Variants in LSAMP observed in about 807,000 individuals in gnomAD.
LSAMP encodes limbic system associated membrane protein.
Under a neutral mutation model 38.6 loss-of-function variants are expected in LSAMP, and 7 were observed. The ratio of observed to expected loss-of-function variants is 0.18; its 90% CI spans 0.10 to 0.34. LSAMP has a LOEUF of 0.34. Among genes scored for constraint, LSAMP ranks in the 10% least tolerant of loss-of-function variants. The pLI is 1.00. For synonymous variants in LSAMP, 154 were observed against 166.8 expected (o/e 0.92, Z 0.59); for missense variants, 313 against 420.0 (o/e 0.75, Z 2.23).
chr3:116,183,755 G>A (rs1217249027), intron 1 of LSAMP, among the ~76,000 whole-genome samples: 3 of 151,818 alleles, frequency 2.0e-5, no homozygotes, highest in Middle Eastern at 3.4e-3. Context: ...TTTCTAAGAG[G>A]CAAAGATTAC....
At chr3:116,260,087 GC>G in intron 1 of LSAMP, among the ~76,000 whole-genome samples, 1 of 152,180 alleles carries the variant, frequency 6.6e-6, no homozygotes, top group East Asian at 1.9e-4. Flanking sequence ...CACATATAGG[GC>G]TAAATCTTTC....
chr3:116,089,388 C>T (rs1708067294), intron 1 of LSAMP, among the ~76,000 whole-genome samples: 2 of 152,086 alleles, frequency 1.3e-5, no homozygotes, highest in African/African-American at 4.8e-5. Flanking sequence ...GATGGAGTCT[C>T]GCTCCGTCGC....
intron 2 of LSAMP, among the ~76,000 whole-genome samples, chr3:116,078,190 C>T (rs1226691699): frequency 6.6e-6 from 1 of 152,032 alleles, no homozygotes; most frequent in Non-Finnish European, 1.5e-5. Context: ...TTAATTATTT[C>T]TGTGATGGTT....
intron 1 of LSAMP, among the ~76,000 whole-genome samples, chr3:116,132,836 T>C (rs1250297766): frequency 2.6e-5 from 4 of 152,210 alleles, no homozygotes; most frequent in Non-Finnish European, 5.9e-5. Flanking sequence ...TGTCCCAAAA[T>C]ACATGTGCTT....
intron 6 of LSAMP, among the ~76,000 whole-genome samples, chr3:115,829,658 T>G (rs973625346): frequency 1.1e-4 from 16 of 152,220 alleles, no homozygotes; most frequent in African/African-American, 3.9e-4. Context: ...GCTGAAAGTG[T>G]GTGAGTGTAT....
At chr3:116,329,392 C>T (rs1023495414) in intron 1 of LSAMP, among the ~76,000 whole-genome samples, 3 of 152,014 alleles carry the variant, frequency 2.0e-5, no homozygotes, top group Non-Finnish European at 4.4e-5. Flanking sequence ...CTCAGTTGTT[C>T]GTTTCCGACT....
chr3:115,942,328 T>C (rs997974047), intron 3 of LSAMP, among the ~76,000 whole-genome samples: 5 of 152,160 alleles, frequency 3.3e-5, no homozygotes, highest in African/African-American at 1.2e-4. Flanking sequence ...CTTTTAAAAG[T>C]GCAAGTATTT....
In LSAMP at chr3:116,248,893, A is replaced by T. The variant is rs1269896311; in HGVS notation, c.156-162337T>A. On this transcript the variant is annotated intron_variant, in intron 1 of 6. Transcript: ENST00000490035. ...CCAGGCGCGGTGGCTCACGCCTATA[A>T]TCCCAGCACTTTGGGAGGCTGAGGC... Among the ~76,000 whole-genome samples the T allele has an allele frequency of 2.6e-5, 4 of 152,234 alleles. No homozygotes were observed. The East Asian group carries it at 5.8e-4, about 22-fold the overall frequency.
At chr3:116,166,758 T>C (rs976488274) in intron 1 of LSAMP, among the ~76,000 whole-genome samples, 5 of 151,948 alleles carry the variant, frequency 3.3e-5, no homozygotes, top group African/African-American at 1.2e-4. Context: ...CTCACAACTT[T>C]TAAATCTAAA....
At chr3:116,389,612 T>C in intron 1 of LSAMP, among the ~76,000 whole-genome samples, 1 of 152,052 alleles carries the variant, frequency 6.6e-6, no homozygotes, top group Non-Finnish European at 1.5e-5. Flanking sequence ...CACGGCAGGG[T>C]CACAGGAAAC....
At chr3:116,307,504 T>A (rs930379648) in intron 1 of LSAMP, among the ~76,000 whole-genome samples, 6 of 151,990 alleles carry the variant, frequency 3.9e-5, no homozygotes, top group Admixed American at 3.9e-4. Context: ...GTGCTTTTGC[T>A]TTCTCTGACT....
At chr3:116,059,286 C>T (rs977797304) in intron 2 of LSAMP, among the ~76,000 whole-genome samples, 1 of 152,084 alleles carries the variant, frequency 6.6e-6, no homozygotes, top group African/African-American at 2.4e-5. Flanking sequence ...AGTATCAAAG[C>T]TTTTTGCCTT....
At chr3:115,820,555 T>G (rs575438192) in intron 6 of LSAMP, among the ~76,000 whole-genome samples, 2 of 152,298 alleles carry the variant, frequency 1.3e-5, no homozygotes, top group South Asian at 2.1e-4. Context: ...AATCTGTCCT[T>G]GATTTTTGAC....
In LSAMP at chr3:116,216,984, C is replaced by T. The variant is rs115905228; in HGVS notation, c.156-130428G>A. Among the ~76,000 whole-genome samples the T allele has an allele frequency of 3.2e-3, 483 of 152,246 alleles. 2 individuals carry two copies. Among genetic ancestry groups the T allele is most frequent in the South Asian group, 0.013 (62 of 4,824 alleles). On this transcript the variant is annotated intron_variant, in intron 1 of 6. Transcript: ENST00000490035. Reference sequence around the variant, plus strand: ...GATAAGCACTTAAAGTGAGGCTGTTCTTATTCTAAGCTTATTCCAAACACC... The same window carrying T: ...GATAAGCACTTAAAGTGAGGCTGTTTTTATTCTAAGCTTATTCCAAACACC...
chr3:115,809,240 G>T lies in LSAMP; in HGVS notation c.*1077C>A, dbSNP rs1325193085. On this transcript the variant is annotated 3_prime_UTR_variant, in exon 7 of 7. Transcript: ENST00000490035. Reference sequence around the variant, plus strand: ...ATGCTGTTTGCTTACCCCATCGATAGTAGGCACTTTCATTTACAGTGATAT... The same window carrying T: ...ATGCTGTTTGCTTACCCCATCGATATTAGGCACTTTCATTTACAGTGATAT... The T allele has an allele frequency of 6.6e-6, 1 of 152,166 alleles. No homozygotes were observed. Among genetic ancestry groups the T allele is most frequent in the Non-Finnish European group, 1.5e-5 (1 of 68,048 alleles). 9.4% of individuals were successfully genotyped at this position (152,166 alleles called of 1,614,324 possible).
chr3:115,952,387 T>TA (rs369376251), intron 3 of LSAMP, among the ~76,000 whole-genome samples: 82 of 152,158 alleles, frequency 5.4e-4, no homozygotes, highest in African/African-American at 1.9e-3. Flanking sequence ...AACTCAGCCA[T>TA]AAAAAATGAA....
chr3:116,391,925 G>C (rs1287040684), intron 1 of LSAMP, among the ~76,000 whole-genome samples: 1 of 152,120 alleles, frequency 6.6e-6, no homozygotes, highest in Non-Finnish European at 1.5e-5. Context: ...CCCTCCATCA[G>C]GGTGACTGCC....
chr3:116,195,089 G>T (rs1253443959), intron 1 of LSAMP, among the ~76,000 whole-genome samples: 4 of 152,206 alleles, frequency 2.6e-5, no homozygotes, highest in Non-Finnish European at 4.4e-5. Flanking sequence ...AGTAGGCACT[G>T]TATTGATCTC....
chr3:116,155,091 C>T (rs1031388841), intron 1 of LSAMP, among the ~76,000 whole-genome samples: 1 of 151,742 alleles, frequency 6.6e-6, no homozygotes, highest in Non-Finnish European at 1.5e-5. Flanking sequence ...CCTTGTAGAC[C>T]CACATAACAC....
Sources: allele counts gnomAD v4.1 joint callset (sites outside exome capture counted in the v4.1 genomes callset), GRCh38; gene constraint gnomAD v4.1.1; transcripts MANE v1.5; gene names NCBI Gene and HGNC (gene_info 2026-07-23, HGNC 2026-07-21).